PCM1: variants seen among roughly 807,000 people sequenced by gnomAD.
The protein encoded by PCM1 is pericentriolar material 1.
In PCM1, 157 loss-of-function variants were observed where a neutral mutation model predicts 241.9. That is an observed-to-expected ratio of 0.65 (90% CI 0.57 to 0.74). The LOEUF is 0.74. PCM1 is among the 30% of genes least tolerant of loss of function. PCM1 has a pLI of 0.00. For missense variants in PCM1, 3,478 were observed against 2,360.1 expected (o/e 1.47, Z -9.81); for synonymous variants, 1,085 against 784.9 (o/e 1.38, Z -6.39).
intron 9 of PCM1, among the ~76,000 whole-genome samples, chr8:17,954,237 G>C (rs575447312): frequency 6.6e-6 from 1 of 152,204 alleles, no homozygotes; most frequent in East Asian, 1.9e-4. Flanking sequence ...AGACCAGCCT[G>C]ACCAACATGG....
intron 5 of PCM1, 87 bp downstream of exon 5, chr8:17,939,096 G>A (rs892730903): frequency 1.5e-6 from 2 of 1,329,370 alleles, no homozygotes; most frequent in Non-Finnish European, 2.1e-6. Flanking sequence ...TACGCACACA[G>A]GAATTTTAGT....
At chr8:17,930,124 G>C (rs1277855560) in intron 2 of PCM1, among the ~76,000 whole-genome samples, 1 of 124,706 alleles carries the variant, frequency 8.0e-6, no homozygotes, top group South Asian at 2.6e-4. Context: ...TTTTTTTTGA[G>C]ACAGAGTCTC....
Position 17,989,898 on chromosome 8 carries a change from A to ATC in PCM1, c.4451_4452insCT (p.Ser1485Ter). ...GAACTTTGAAAGAGAAACCCATAAAATAAGTGAGCAAAATGATGCTGATAA... is the reference window on the plus strand; with the variant it reads ...GAACTTTGAAAGAGAAACCCATAAAATCTAAGTGAGCAAAATGATGCTGATAA... On this transcript the variant is annotated frameshift_variant, in exon 27 of 39. Transcript: ENST00000325083. LOFTEE classifies it high-confidence loss of function. The ATC allele has an allele frequency of 6.5e-7, 1 of 1,547,020 alleles. No individual in the cohort carries two copies. Among genetic ancestry groups the ATC allele is most frequent in the Admixed American group, 2.0e-5 (1 of 50,846 alleles).
chr8:17,959,149 GTTTC>G, intron 13 of PCM1, among the ~76,000 whole-genome samples: 2 of 151,984 alleles, frequency 1.3e-5, no homozygotes, highest in East Asian at 1.9e-4. Context: ...TTTGTGGTAT[GTTTC>G]TTTGTTTTTA....
intron 26 of PCM1, among the ~76,000 whole-genome samples, chr8:17,987,786 G>A (rs1271381710): frequency 1.3e-5 from 2 of 151,828 alleles, no homozygotes; most frequent in Non-Finnish European, 3.0e-5. Flanking sequence ...ATTGTTTTAT[G>A]TCTGCATTGT....
At chr8:18,013,782 C>A (rs2092809358) in intron 34 of PCM1, 182 bp from the exon 35 acceptor site, 2 of 546,078 alleles carry the variant, frequency 3.7e-6, no homozygotes, top group African/African-American at 2.0e-5. Context: ...ACAAGGAAAC[C>A]CTTTAACTTA....
At position 17,966,889 on chromosome 8, in the gene PCM1, G is replaced by C. The variant is rs564066404; in HGVS notation, c.3222-91G>C. ...CAGAGCAGTTTGTCTGCATGCTTTT[G>C]AATCATTTTTTTACATGTATTCTTC... On this transcript the variant is annotated intron_variant, in intron 20 of 38. Coordinates refer to ENST00000325083, the MANE Select transcript of PCM1 (RefSeq NM_006197.4). 2.7e-5 allele frequency: 33 copies of C among 1,211,240 alleles called. No homozygotes were observed. In the Middle Eastern group the frequency reaches 2.5e-3, roughly 93 times the overall value. 75.0% of individuals were successfully genotyped at this position (1,211,240 alleles called of 1,614,324 possible).
rs2073352194 is a variant in PCM1, at chr8:17,963,286, A to G, written c.2649A>G (p.Thr883=). ...ENLCTPQQSR[T]EKTMATWGGS... ...TATGTACTCCTCAGCAAAGTAGAAC[A>G]GAAAAGTAAGAGAGCTGCATAAATC... Residue 883 remains threonine, a synonymous_variant, in exon 17 of 39, where the codon ACA becomes ACG. Transcript: ENST00000325083. 5 of 1,580,574 alleles carry G rather than the reference A, an allele frequency of 3.2e-6. No homozygotes were observed. Among genetic ancestry groups the G allele is most frequent in the Non-Finnish European group, 3.4e-6 (4 of 1,170,448 alleles).
At chr8:17,958,069 T>C (rs1291470133) in intron 13 of PCM1, among the ~76,000 whole-genome samples, 1 of 152,208 alleles carries the variant, frequency 6.6e-6, no homozygotes, top group Non-Finnish European at 1.5e-5. Context: ...TTTGCCAATA[T>C]AGCTTTATTT....
rs2082356299 is a variant in PCM1 at position 17,985,723 on chromosome 8, C to G, written c.4281+104C>G. 8.6e-6 allele frequency: 8 copies of G among 931,044 alleles called. 1 individual carries two copies. Among genetic ancestry groups the G allele is most frequent in the East Asian group, 2.7e-5 (1 of 37,392 alleles). 57.7% of individuals were successfully genotyped at this position (931,044 alleles called of 1,614,324 possible). On this transcript the variant is annotated intron_variant, in intron 25 of 38. Coordinates refer to ENST00000325083, the MANE Select transcript of PCM1 (RefSeq NM_006197.4). ...AAGCATGTGCCATATGAATTTTCAT[C>G]TGTTCTCTATGTGCTTTCTTGACAT...
intron 15 of PCM1, among the ~76,000 whole-genome samples, chr8:17,961,178 A>C (rs1379268097): frequency 6.6e-6 from 1 of 152,040 alleles, no homozygotes; most frequent in African/African-American, 2.4e-5. Context: ...ATTAACTAGG[A>C]TCTTATACAT....
In PCM1 at chr8:18,001,995, CTTTTTTTTTTTTTTTTTTTTTTTTTT is replaced by C. The variant is rs1166401113; in HGVS notation, c.4828-4253_4828-4228del. On this transcript the variant is annotated intron_variant, in intron 29 of 38. Coordinates refer to ENST00000325083, the MANE Select transcript of PCM1 (RefSeq NM_006197.4). ...CCTTTTGCCGCTGCTTCTAACCTTT[CTTTTTTTTTTTTTTTTTTTTTTTTTT>C]TTTTTTTTTTTTTTGTGGAGAGATC... Among the ~76,000 whole-genome samples the C allele has an allele frequency of 1.5e-3, 34 of 23,404 alleles. 2 individuals are homozygous for C. The highest frequency in any genetic ancestry group is 9.4e-3 in the South Asian group (4 of 426). The allele number at this position is 23,404 out of a possible 152,430, so 15.4% of individuals were successfully genotyped here.
chr8:17,977,657 T>C (rs893830217), intron 23 of PCM1, among the ~76,000 whole-genome samples: 14 of 152,178 alleles, frequency 9.2e-5, no homozygotes, highest in African/African-American at 4.8e-5. Context: ...TACTGCAAGC[T>C]ACTAGTTGGC....
chr8:17,999,656 G>A (rs771295230), intron 29 of PCM1, among the ~76,000 whole-genome samples: 1 of 152,138 alleles, frequency 6.6e-6, no homozygotes, highest in African/African-American at 2.4e-5. Context: ...ATTCAAGATG[G>A]TCTTTCCTAC....
intron 38 of PCM1, 56 bp downstream of exon 38, chr8:18,025,714 T>C (rs2094142005): frequency 2.0e-6 from 2 of 976,534 alleles, no homozygotes; most frequent in Non-Finnish European, 3.1e-6. Flanking sequence ...ATCTTCATAC[T>C]ACTATTGTGT....
intron 36 of PCM1, among the ~76,000 whole-genome samples, chr8:18,021,583 A>G (rs1176109166): frequency 6.6e-6 from 1 of 152,220 alleles, no homozygotes; most frequent in South Asian, 2.1e-4. Context: ...CTCCAGTAAT[A>G]AGGGAACTCA....
In PCM1 at chr8:17,950,660, C is replaced by A; in HGVS notation, c.1007C>A (p.Ser336Tyr). Residue 336 changes from serine (S) to tyrosine (Y), a missense_variant, in exon 8 of 39, where the codon TCT becomes TAT. Physicochemically the swap from Ser to Tyr is moderately radical, Grantham distance 144 (BLOSUM62 -2). Coordinates refer to ENST00000325083, the MANE Select transcript of PCM1 (RefSeq NM_006197.4). ...AGSLSGVSIT[S>Y]ELNEELNDLI... ...AGCTTATCTGGCGTCAGTATCACAT[C>A]TGAACTAAATGAAGAATTGAATGAC... is the stretch of plus-strand genomic sequence containing the variant. 6.2e-7 allele frequency: 1 copy of A among 1,606,340 alleles called. No individual in the cohort carries two copies.
rs1587837533 is a variant in PCM1, at chr8:17,985,523, A to G, written c.4185A>G (p.Gln1395=). 1.3e-6 allele frequency: 2 copies of G among 1,585,994 alleles called. No individual in the cohort carries two copies. The highest frequency in any genetic ancestry group is 1.8e-5 in the Admixed American group (1 of 55,980). ...IYSEVATLIS[Q]NESRPHFLIE... ...CTGAAGTAGCTACATTAATTTCTCA[A>G]AATGAATCTCGTCCACATTTTCTTA... The change falls in exon 25 of 39, where the codon CAA becomes CAG. Residue 1395 remains glutamine (Q), a synonymous_variant. Coordinates refer to ENST00000325083, the MANE Select transcript of PCM1 (RefSeq NM_006197.4).
chr8:17,991,446 C>T, intron 27 of PCM1, 96 bp from the exon 28 acceptor site: 2 of 1,000,760 alleles, frequency 2.0e-6, no homozygotes, highest in South Asian at 1.8e-5. Flanking sequence ...AATTTTCCTC[C>T]CTTTTGTTTG....
Sources: allele counts gnomAD v4.1 joint callset (sites outside exome capture counted in the v4.1 genomes callset), GRCh38; gene constraint gnomAD v4.1.1; transcripts MANE v1.5; gene names NCBI Gene and HGNC (gene_info 2026-07-23, HGNC 2026-07-21).